Variants in KIAA1958 observed in about 807,000 individuals in gnomAD.
The protein encoded by KIAA1958 is uncharacterized protein KIAA1958.
A neutral mutation model predicts 47.2 loss-of-function variants in KIAA1958; 14 were observed. The observed-to-expected ratio is 0.30, with a 90% confidence interval of 0.20 to 0.46. The LOEUF (loss-of-function observed/expected upper bound fraction) is 0.46. Among genes scored for constraint, KIAA1958 ranks in the 20% least tolerant of loss-of-function variants. KIAA1958 has a pLI of 1.00. For missense variants in KIAA1958, 803 were observed against 909.2 expected (o/e 0.88, Z 1.50); for synonymous variants, 354 against 353.3 (o/e 1.00, Z -0.02).
intron 2 of KIAA1958, among the ~76,000 whole-genome samples, chr9:112,609,687 G>A (rs1836291860): frequency 6.6e-6 from 1 of 151,948 alleles, no homozygotes; most frequent in Non-Finnish European, 1.5e-5. Flanking sequence ...AGGTATCTAG[G>A]ACTACAGGCA....
chr9:112,656,329 T>C (rs761573240), intron 3 of KIAA1958, among the ~76,000 whole-genome samples: 69 of 129,472 alleles, frequency 5.3e-4, no homozygotes, highest in Admixed American at 9.7e-4. Context: ...GCTGAGATCA[T>C]GCCTCTGCAC....
intron 3 of KIAA1958, among the ~76,000 whole-genome samples, chr9:112,654,001 AGTCAC>A (rs1837106996): frequency 6.6e-6 from 1 of 152,186 alleles, no homozygotes; most frequent in South Asian, 2.1e-4. Context: ...GGTTAAAATA[AGTCAC>A]GTGGCTAGCC....
chr9:112,646,754 A>G (rs1836981689), intron 3 of KIAA1958, among the ~76,000 whole-genome samples: 2 of 152,218 alleles, frequency 1.3e-5, no homozygotes, highest in South Asian at 4.1e-4. Context: ...CCTCTAAAAA[A>G]CAAACAGGAA....
At chr9:112,532,771 A>G (rs765658399) in intron 1 of KIAA1958, among the ~76,000 whole-genome samples, 6 of 152,210 alleles carry the variant, frequency 3.9e-5, no homozygotes, top group Non-Finnish European at 7.3e-5. Context: ...ACTGCCCATG[A>G]ATTCTTCATA....
chr9:112,651,301 G>A (rs1837051032), intron 3 of KIAA1958, among the ~76,000 whole-genome samples: 1 of 151,182 alleles, frequency 6.6e-6, no homozygotes, highest in Admixed American at 6.6e-5. Context: ...AATTAAAAGG[G>A]TTAAAATCAT....
At chr9:112,635,532 G>A (rs953511649) in intron 2 of KIAA1958, among the ~76,000 whole-genome samples, 2 of 152,118 alleles carry the variant, frequency 1.3e-5, no homozygotes, top group African/African-American at 2.4e-5. Context: ...GATTACAGGC[G>A]TGAGCCACCT....
chr9:112,576,478 A>C (rs1004665269), intron 2 of KIAA1958, among the ~76,000 whole-genome samples: 1 of 152,170 alleles, frequency 6.6e-6, no homozygotes, highest in Non-Finnish European at 1.5e-5. Flanking sequence ...TCATCACCCC[A>C]AAAAGAAATC....
At chr9:112,506,222 C>T (rs1046858763) in intron 1 of KIAA1958, among the ~76,000 whole-genome samples, 6 of 152,066 alleles carry the variant, frequency 3.9e-5, no homozygotes, top group African/African-American at 9.7e-5. Flanking sequence ...TTTGGGAGGC[C>T]GAAGCAGGCG....
intron 3 of KIAA1958, among the ~76,000 whole-genome samples, chr9:112,659,019 CAAAAAAAA>C (rs560013892): frequency 7.6e-4 from 44 of 57,756 alleles, no homozygotes; most frequent in South Asian, 7.4e-3. Flanking sequence ...GACTCTGACT[CAAAAAAAA>C]AAAAAAAAAA....
chr9:112,558,992 A>G (rs552245560), intron 1 of KIAA1958, among the ~76,000 whole-genome samples: 6 of 152,358 alleles, frequency 3.9e-5, no homozygotes, highest in African/African-American at 1.4e-4. Flanking sequence ...TGCACAAAGA[A>G]AATACATGCC....
rs902662500 is a variant in KIAA1958 at position 112,571,792 on chromosome 9, AAAAT to A, written c.-24-2249_-24-2246del. 8.9e-4 allele frequency among the ~76,000 whole-genome samples: 134 copies of A among 151,374 alleles called. No individual in the cohort carries two copies. The Middle Eastern group carries it at 0.01, about 12-fold the overall frequency. The stretch of plus-strand genomic sequence containing the variant: ...GGGACACCCCTAGGTTAAAAAATAA[AAAAT>A]AAATAAATAAATAAAAACAAAAAAT... On this transcript the variant is annotated intron_variant, in intron 1 of 3. Coordinates refer to ENST00000337530, the MANE Select transcript of KIAA1958 (RefSeq NM_133465.4).
chr9:112,590,734 C>T (rs1835906927), intron 2 of KIAA1958, among the ~76,000 whole-genome samples: 1 of 152,092 alleles, frequency 6.6e-6, no homozygotes, highest in African/African-American at 2.4e-5. Flanking sequence ...GAGGTAGGGG[C>T]CAACGTAATG....
chr9:112,554,452 C>T lies in KIAA1958; in HGVS notation c.-24-19605C>T, dbSNP rs1588015680. On this transcript the variant is annotated intron_variant, in intron 1 of 3. Transcript: ENST00000337530. ...GGCAGAGGTTGCAGTGAGCTGAGATCGTGCCACTGCACTCCAGCCTGGGCG... is the reference window on the plus strand; with the variant it reads ...GGCAGAGGTTGCAGTGAGCTGAGATTGTGCCACTGCACTCCAGCCTGGGCG... Among the ~76,000 whole-genome samples the T allele has an allele frequency of 2.0e-5, 3 of 151,932 alleles. No individual in the cohort carries two copies. In the South Asian group the frequency reaches 6.3e-4, roughly 32 times the overall value.
rs1194873584 is a variant in KIAA1958 at position 112,487,110 on chromosome 9, CACCT to C, written c.-32_-29del. On this transcript the variant is annotated 5_prime_UTR_variant, in exon 1 of 4. It introduces an in-frame stop codon into an upstream open reading frame of the 5' UTR. Coordinates refer to ENST00000337530, the MANE Select transcript of KIAA1958 (RefSeq NM_133465.4). ...GCGTTCCTATGGACAGACGCACAGA[CACCT>C]GCAGGTGGGTGAGAGCCCGCGCGCG... is the stretch of plus-strand genomic sequence containing the variant. 4.7e-6 allele frequency: 1 copy of C among 213,256 alleles called. No homozygotes were observed. Among genetic ancestry groups the C allele is most frequent in the Non-Finnish European group, 9.5e-6 (1 of 105,330 alleles). 13.2% of individuals were successfully genotyped at this position (213,256 alleles called of 1,614,324 possible). A position where few individuals can be genotyped will look rare whatever the true frequency, so the allele number is the denominator to read the frequency against.
intron 1 of KIAA1958, among the ~76,000 whole-genome samples, chr9:112,552,068 T>G (rs1835160708): frequency 6.6e-6 from 1 of 152,204 alleles, no homozygotes; most frequent in Admixed American, 6.5e-5. Context: ...ACTGGTCAGC[T>G]CATTGGTGAA....
chr9:112,658,855 C>CA (rs1837202388), intron 3 of KIAA1958, among the ~76,000 whole-genome samples: 1 of 151,016 alleles, frequency 6.6e-6, no homozygotes, highest in Admixed American at 6.6e-5. Context: ...CCCATCTCTA[C>CA]AAAAAATACA....
At chr9:112,494,385 A>T (rs1034033940) in intron 1 of KIAA1958, among the ~76,000 whole-genome samples, 1 of 150,944 alleles carries the variant, frequency 6.6e-6, no homozygotes, top group Non-Finnish European at 1.5e-5. Flanking sequence ...TCTATACCTT[A>T]GTATTATTTT....
chr9:112,552,546 G>T (rs1186925987), intron 1 of KIAA1958, among the ~76,000 whole-genome samples: 1 of 152,192 alleles, frequency 6.6e-6, no homozygotes, highest in Admixed American at 6.5e-5. Context: ...ACTGAAAATG[G>T]TGGATATTTT....
intron 2 of KIAA1958, among the ~76,000 whole-genome samples, chr9:112,594,254 T>C (rs927198074): frequency 5.9e-5 from 9 of 152,208 alleles, no homozygotes; most frequent in Non-Finnish European, 1.2e-4. Flanking sequence ...TGCCAAATGT[T>C]TTCCAATTTA....
Sources: gnomAD v4.1 joint callset for allele counts (sites outside exome capture counted in the v4.1 genomes callset) on GRCh38, gnomAD v4.1.1 for gene constraint, MANE v1.5 for transcripts, NCBI Gene and HGNC (gene_info 2026-07-23, HGNC 2026-07-21) for gene names.